The following AKNA variants were observed in gnomAD, a reference collection of about 807,000 sequenced individuals.
AKNA encodes AT-hook transcription factor.
A neutral mutation model predicts 138.8 loss-of-function variants in AKNA; 67 were observed. The observed-to-expected ratio is 0.48, with a 90% CI of 0.40 to 0.59. The LOEUF is 0.59. AKNA is among the 20% of genes least tolerant of loss of function. The pLI is 0.00. For missense variants in AKNA, 1,813 were observed against 1,880.4 expected (o/e 0.96, Z 0.66); for synonymous variants, 737 against 754.4 (o/e 0.98, Z 0.38).
downstream of AKNA, among the ~76,000 whole-genome samples, chr9:114,331,281 T>C (rs1203270143): frequency 6.6e-6 from 1 of 152,182 alleles, no homozygotes; most frequent in Admixed American, 6.5e-5. Context: ...TGACATCATT[T>C]AGCATCCCGA....
At chr9:114,364,414 G>A in intron 7 of AKNA, 146 bp downstream of exon 7, 1 of 769,876 alleles carries the variant, frequency 1.3e-6, no homozygotes, top group East Asian at 2.5e-5. Flanking sequence ...ATCATGGGAA[G>A]CTACTCAGGA....
chr9:114,374,246 AC>A, intron 3 of AKNA, 79 bp from the exon 4 acceptor site: 2 of 1,368,890 alleles, frequency 1.5e-6, no homozygotes, highest in Non-Finnish European at 2.0e-6. Context: ...CTGATAGCAA[AC>A]CCCCTTCCAT....
rs61757558 is a variant in AKNA, at chr9:114,356,099, C to T, written c.2884G>A (p.Val962Met). The T allele has an allele frequency of 3.4e-3, 5,459 of 1,614,040 alleles. 151 individuals carry two copies. In the African/African-American group the frequency reaches 0.062, roughly 18 times the overall value. ...GTLAQPFAAS[V>M]PRDGASYPKA... is the part of the protein sequence containing the mutation. ...GGGTAGGAAGCTCCATCCCTGGGCA[C>T]AGATGCAGCAAAGGGCTGGGCTAAT... The change falls in exon 14 of 22, where the codon GTG (valine) becomes ATG (methionine). Residue 962 changes from valine (V) to methionine (M), a missense_variant. Coordinates refer to ENST00000374088, the MANE Select transcript of AKNA (RefSeq NM_001317950.2).
At chr9:114,333,741 A>T (rs1360099764), downstream of AKNA, among the ~76,000 whole-genome samples, 52 of 145,626 alleles carry the variant, frequency 3.6e-4, no homozygotes, top group African/African-American at 1.3e-3. Flanking sequence ...ATAAAAAAAA[A>T]TCCTTTTCTG....
At chr9:114,350,805 C>T (rs1347641692) in intron 15 of AKNA, 54 bp downstream of exon 15, 13 of 1,496,450 alleles carry the variant, frequency 8.7e-6, no homozygotes, top group East Asian at 2.4e-5. Flanking sequence ...CGTCGCATCA[C>T]GCTCCCGTCT....
chr9:114,346,653 G>T lies in AKNA; in HGVS notation c.3514+16C>A. 6.3e-7 allele frequency: 1 copy of T among 1,584,496 alleles called. No individual in the cohort carries two copies. The highest frequency in any genetic ancestry group is 8.6e-7 in the Non-Finnish European group (1 of 1,161,324). On this transcript the variant is annotated intron_variant, in intron 17 of 21. Transcript: ENST00000374088. ...CTGTGGCCTCTGGAAATCAGCCTTT[G>T]CAGGTGGTCACTTACTCAGGGACAG...
intron 19 of AKNA, among the ~76,000 whole-genome samples, chr9:114,343,079 G>A (rs925474347): frequency 5.9e-5 from 9 of 152,226 alleles, no homozygotes; most frequent in South Asian, 4.1e-4. Context: ...TAAAATGGAC[G>A]TAATAGTACT....
At position 114,342,045 on chromosome 9, in the gene AKNA, G is replaced by C. The variant is rs764441275; in HGVS notation, c.3838C>G (p.Pro1280Ala). The C allele has an allele frequency of 6.2e-7, 1 of 1,614,098 alleles. No homozygotes were observed. The highest frequency in any genetic ancestry group is 1.1e-5 in the South Asian group (1 of 91,076). Residue 1280 changes from proline (P) to alanine (A), a missense_variant, in exon 20 of 22, where the codon CCC (proline) becomes GCC (alanine). Physicochemically the swap from Pro to Ala is conservative, Grantham distance 27. Coordinates refer to ENST00000374088, the MANE Select transcript of AKNA (RefSeq NM_001317950.2). ...QCPLCGQVGSPPEADGPGSAT... is the reference protein window; with the variant it reads ...QCPLCGQVGSAPEADGPGSAT... Reference sequence around the variant, plus strand: ...GAGCCTGGACCATCTGCCTCTGGGGGAGACCCAACTTGACCACACAGGGGA... The same window carrying C: ...GAGCCTGGACCATCTGCCTCTGGGGCAGACCCAACTTGACCACACAGGGGA...
chr9:114,360,555 T>C (rs1291195273), intron 9 of AKNA, among the ~76,000 whole-genome samples: 1 of 152,144 alleles, frequency 6.6e-6, no homozygotes, highest in Non-Finnish European at 1.5e-5. Flanking sequence ...CATTCAAGTG[T>C]GTAGTGGCAC....
chr9:114,348,689 T>A (rs892712199), intron 15 of AKNA, among the ~76,000 whole-genome samples: 14 of 152,306 alleles, frequency 9.2e-5, no homozygotes, highest in African/African-American at 2.6e-4. Context: ...AGTCCCTGCA[T>A]CTTCAGGGTC....
At chr9:114,375,834 T>C (rs1589015165) in intron 3 of AKNA, 2 of 371,406 alleles carry the variant, frequency 5.4e-6, no homozygotes, top group East Asian at 7.3e-5. Flanking sequence ...AGATCATCCT[T>C]GAAACACGAG....
chr9:114,378,254 A>G (rs1185730153), intron 2 of AKNA, among the ~76,000 whole-genome samples: 1 of 152,114 alleles, frequency 6.6e-6, no homozygotes, highest in Non-Finnish European at 1.5e-5. Flanking sequence ...TCCTTGGCCT[A>G]GTTAACTCCT....
intron 1 of AKNA, among the ~76,000 whole-genome samples, chr9:114,383,349 C>T (rs1475431242): frequency 2.6e-5 from 4 of 152,214 alleles, no homozygotes; most frequent in Non-Finnish European, 5.9e-5. Flanking sequence ...TTTCCCTAAG[C>T]GCTTCCTCTA....
chr9:114,333,870 G>A (rs1312750843), downstream of AKNA, among the ~76,000 whole-genome samples: 1 of 150,894 alleles, frequency 6.6e-6, no homozygotes, highest in Non-Finnish European at 1.5e-5. Context: ...AATCTCACAT[G>A]GAATTTTCAG....
At chr9:114,380,706 G>C (rs570493129) in intron 2 of AKNA, among the ~76,000 whole-genome samples, 1 of 151,870 alleles carries the variant, frequency 6.6e-6, no homozygotes, top group Non-Finnish European at 1.5e-5. Context: ...TGTGATGGCC[G>C]GGCTTATGCC....
At chr9:114,331,482 G>T (rs138117959), downstream of AKNA, 20 of 1,107,464 alleles carry the variant, frequency 1.8e-5, no homozygotes, top group South Asian at 2.8e-5. Flanking sequence ...TTGTGGCCCC[G>T]GACACACCTA....
chr9:114,384,039 C>A (rs1010589667), intron 1 of AKNA, among the ~76,000 whole-genome samples: 1 of 152,342 alleles, frequency 6.6e-6, no homozygotes, highest in East Asian at 1.9e-4. Flanking sequence ...TGGGTTGAAG[C>A]TTTACTTTTA....
At chr9:114,374,790 C>T (rs193029112) in intron 3 of AKNA, among the ~76,000 whole-genome samples, 261 of 152,254 alleles carry the variant, frequency 1.7e-3, no homozygotes, top group African/African-American at 5.7e-3. Context: ...GAAAACGGGT[C>T]GGTAACTAAG....
chr9:114,332,369 G>A (rs543001518), downstream of AKNA, among the ~76,000 whole-genome samples: 46 of 152,160 alleles, frequency 3.0e-4, no homozygotes, highest in African/African-American at 9.9e-4. Context: ...TCACCATCCC[G>A]ATTTTTGCTA....
Sources: allele counts gnomAD v4.1 joint callset (sites outside exome capture counted in the v4.1 genomes callset), GRCh38; gene constraint gnomAD v4.1.1; transcripts MANE v1.5; gene names NCBI Gene and HGNC (gene_info 2026-07-23, HGNC 2026-07-21).